The following CCDC170 variants were observed in gnomAD, a reference collection of about 807,000 sequenced individuals.
The protein encoded by CCDC170 is coiled-coil domain containing 170.
A neutral mutation model predicts 72.6 loss-of-function variants in CCDC170; 69 were observed. The ratio of observed to expected loss-of-function variants is 0.95; its 90% CI spans 0.78 to 1.16. CCDC170 has a LOEUF of 1.16. Ranked by LOEUF, CCDC170 falls within the 50% of genes most tolerant of loss-of-function variation. The pLI is 0.00. For missense variants in CCDC170, 852 were observed against 832.5 expected (o/e 1.02, Z -0.29); for synonymous variants, 300 against 303.9 (o/e 0.99, Z 0.13).
At chr6:151,533,647 A>G (rs1782528927) in intron 1 of CCDC170, among the ~76,000 whole-genome samples, 1 of 141,862 alleles carries the variant, frequency 7.0e-6, no homozygotes, top group Non-Finnish European at 1.5e-5. Context: ...AGCCTGGGCA[A>G]CAAGAGCGAA....
rs6932260 is a variant in CCDC170, at chr6:151,618,425, T to C, written c.*278T>C. On this transcript the variant is annotated 3_prime_UTR_variant, in exon 11 of 11. Transcript: ENST00000239374. ...ATTGGGAAATGGGAGTGGGAGATAATATTGGGAGGTATCTATTTTAAGTCA... is the reference window on the plus strand; with the variant it reads ...ATTGGGAAATGGGAGTGGGAGATAACATTGGGAGGTATCTATTTTAAGTCA... 219,557 of 417,186 alleles carry C rather than the reference T, an allele frequency of 0.53. 59,843 individuals carry two copies. Among genetic ancestry groups the C allele is most frequent in the African/African-American group, 0.75 (37,552 of 50,084 alleles). 25.8% of individuals were successfully genotyped at this position (417,186 alleles called of 1,614,324 possible). A position where few individuals can be genotyped will look rare whatever the true frequency, so the allele number is the denominator to read the frequency against.
chr6:151,565,296 G>T (rs1348324322), intron 5 of CCDC170, among the ~76,000 whole-genome samples: 4 of 152,200 alleles, frequency 2.6e-5, no homozygotes, highest in Admixed American at 2.6e-4. Flanking sequence ...TGGTGTTTGG[G>T]ATTCAGCCTG....
rs55906416 is a variant in CCDC170, at chr6:151,619,002, G to GAAAAAAAAAAAAAAAAAAAAAA, written c.*861_*882dup. 1.6e-5 allele frequency: 1 copy of GAAAAAAAAAAAAAAAAAAAAAA among 61,118 alleles called. No individual in the cohort carries two copies. The highest frequency in any genetic ancestry group is 2.7e-5 in the Non-Finnish European group (1 of 36,456). The allele number at this position is 61,118 out of a possible 1,614,324, so 3.8% of individuals were successfully genotyped here. A position where few individuals can be genotyped will look rare whatever the true frequency, so the allele number is the denominator to read the frequency against. On this transcript the variant is annotated 3_prime_UTR_variant, in exon 11 of 11. Coordinates refer to ENST00000239374, the MANE Select transcript of CCDC170 (RefSeq NM_025059.4). ...GGCGACAGAGTGAAACTACATCTCA[G>GAAAAAAAAAAAAAAAAAAAAAA]AAAAAAAAAAAAAAAAAAAAAAAAA...
At chr6:151,498,547 T>C (rs1306372392) in intron 1 of CCDC170, among the ~76,000 whole-genome samples, 5 of 152,254 alleles carry the variant, frequency 3.3e-5, no homozygotes, top group Admixed American at 2.6e-4. Flanking sequence ...CTGTACTCAT[T>C]AAGCAATAAC....
intron 3 of CCDC170, among the ~76,000 whole-genome samples, chr6:151,541,007 C>T (rs7769700): frequency 0.082 from 12,535 of 152,154 alleles, 586 homozygotes; most frequent in Non-Finnish European, 0.11. Context: ...CTCATCCTGA[C>T]CTGGTTTTGC....
At chr6:151,560,028 A>G (rs1204044211) in intron 5 of CCDC170, among the ~76,000 whole-genome samples, 2 of 151,974 alleles carry the variant, frequency 1.3e-5, no homozygotes, top group Non-Finnish European at 2.9e-5. Context: ...ATTAGGTGTG[A>G]TGTTAGGTTG....
At chr6:151,610,995 T>A (rs978233685) in intron 9 of CCDC170, among the ~76,000 whole-genome samples, 2 of 152,192 alleles carry the variant, frequency 1.3e-5, no homozygotes, top group Admixed American at 6.5e-5. Flanking sequence ...GCCATCGGCC[T>A]CCTCTCTGTC....
At chr6:151,554,834 G>A (rs548410499) in intron 5 of CCDC170, among the ~76,000 whole-genome samples, 2 of 149,898 alleles carry the variant, frequency 1.3e-5, no homozygotes, top group Non-Finnish European at 3.0e-5. Flanking sequence ...ATTCGGCTAT[G>A]TGATTGCAGG....
chr6:151,573,696 G>A (rs187953928), intron 6 of CCDC170, among the ~76,000 whole-genome samples: 13 of 152,344 alleles, frequency 8.5e-5, no homozygotes, highest in Admixed American at 2.0e-4. Flanking sequence ...CAAAGGAGGA[G>A]CAAAGGCACA....
chr6:151,587,846 A>G (rs1320479714), intron 7 of CCDC170, among the ~76,000 whole-genome samples: 1 of 152,174 alleles, frequency 6.6e-6, no homozygotes, highest in African/African-American at 2.4e-5. Flanking sequence ...AGGAGCAATG[A>G]CTTTTTTTCT....
chr6:151,586,537 C>G (rs980233210), intron 7 of CCDC170, among the ~76,000 whole-genome samples: 1 of 151,980 alleles, frequency 6.6e-6, no homozygotes, highest in Admixed American at 6.6e-5. Flanking sequence ...ATAGTGGAGA[C>G]AGGAGACAGA....
At chr6:151,585,749 A>C in intron 6 of CCDC170, 140 bp from the exon 7 acceptor site, 2 of 677,964 alleles carry the variant, frequency 3.0e-6, no homozygotes. Context: ...GCTATCAATT[A>C]CATATTTTAA....
intron 5 of CCDC170, among the ~76,000 whole-genome samples, chr6:151,562,651 C>T (rs1344390353): frequency 6.6e-6 from 1 of 152,110 alleles, no homozygotes; most frequent in Non-Finnish European, 1.5e-5. Flanking sequence ...GGTGCAGAGT[C>T]CTGGGGCACT....
intron 1 of CCDC170, 191 bp from the exon 2 acceptor site, chr6:151,536,127 T>C (rs1369579690): frequency 1.7e-6 from 1 of 590,564 alleles, no homozygotes; most frequent in Non-Finnish European, 2.9e-6. Context: ...TTCCCGAACT[T>C]TCTCCTGCTT....
At chr6:151,598,986 T>C (rs1181914214) in intron 9 of CCDC170, among the ~76,000 whole-genome samples, 1 of 152,060 alleles carries the variant, frequency 6.6e-6, no homozygotes. Context: ...ACTACTTTGT[T>C]AGAGAGAATA....
intron 1 of CCDC170, among the ~76,000 whole-genome samples, chr6:151,511,911 G>C (rs79278999): frequency 1.4e-3 from 220 of 152,036 alleles, no homozygotes; most frequent in Non-Finnish European, 2.8e-3. Flanking sequence ...GCGGTGGCAC[G>C]ATCAGAGCTC....
chr6:151,614,564 C>T (rs540333629), intron 9 of CCDC170, among the ~76,000 whole-genome samples: 1 of 152,122 alleles, frequency 6.6e-6, no homozygotes, highest in East Asian at 1.9e-4. Flanking sequence ...AAGCAATTCT[C>T]CTGCCTCAGC....
rs1776444456 is a variant in CCDC170 at position 151,585,921 on chromosome 6, G to A, written c.1125G>A (p.Glu375=). 2 of 1,613,874 alleles carry A rather than the reference G, an allele frequency of 1.2e-6. No individual in the cohort carries two copies. The highest frequency in any genetic ancestry group is 2.2e-5 in the East Asian group (1 of 44,860). The change falls in exon 7 of 11, where the codon GAG becomes GAA. Residue 375 remains glutamate (E), a synonymous_variant. Transcript: ENST00000239374. ...MVSQLEAQIS[E]LVEQLGKESG... The stretch of plus-strand genomic sequence containing the variant: ...CCCAGCTTGAAGCCCAAATATCTGA[G>A]CTTGTTGAACAGTTGGGAAAGGAGT...
At chr6:151,517,845 A>G (rs1399331702) in intron 1 of CCDC170, among the ~76,000 whole-genome samples, 2 of 151,848 alleles carry the variant, frequency 1.3e-5, no homozygotes, top group African/African-American at 2.4e-5. Flanking sequence ...TACAATACTC[A>G]CAGCACATAT....
Sources: allele counts gnomAD v4.1 joint callset (sites outside exome capture counted in the v4.1 genomes callset), GRCh38; gene constraint gnomAD v4.1.1; transcripts MANE v1.5; gene names NCBI Gene and HGNC (gene_info 2026-07-23, HGNC 2026-07-21).